MAN2B2: variants seen among roughly 807,000 people sequenced by gnomAD.
The protein encoded by MAN2B2 is epididymis-specific alpha-mannosidase.
In MAN2B2, 106 loss-of-function variants were observed where a neutral mutation model predicts 117.1. The ratio of observed to expected loss-of-function variants is 0.90; its 90% CI spans 0.77 to 1.06. The LOEUF (loss-of-function observed/expected upper bound fraction) is 1.06. Among genes scored for constraint, MAN2B2 ranks in the 50% least tolerant of loss-of-function variants. The probability of loss-of-function intolerance (pLI) is 0.00; values close to 1 mark genes in which losing one functional copy is unlikely to be tolerated. For synonymous variants in MAN2B2, 544 were observed against 595.1 expected (o/e 0.91, Z 1.25); for missense variants, 1,326 against 1,381.4 (o/e 0.96, Z 0.64).
chr4:6,614,611 G>A (rs1033411500), intron 16 of MAN2B2, among the ~76,000 whole-genome samples: 4 of 152,132 alleles, frequency 2.6e-5, no homozygotes, highest in South Asian at 4.1e-4. Context: ...CTCTCAGCCT[G>A]CCACCCCCAG....
chr4:6,578,311 G>A, intron 2 of MAN2B2, 82 bp from the exon 3 acceptor site: 1 of 997,422 alleles, frequency 1.0e-6, no homozygotes, highest in Non-Finnish European at 1.5e-6. Context: ...GGCGTGTGTG[G>A]CGCTGTAGGT....
Position 6,587,264 on chromosome 4 carries a change from G to A in MAN2B2, c.564+96G>A, listed in dbSNP as rs1032126783. On this transcript the variant is annotated intron_variant, in intron 4 of 18. Coordinates refer to ENST00000285599, the MANE Select transcript of MAN2B2 (RefSeq NM_015274.3). ...TAGAAAGCTGCTGCTCTATGCCGAA[G>A]TGTTCGGAAATTCTTGGCAGCTGCA... 2.8e-6 allele frequency: 4 copies of A among 1,450,402 alleles called. No homozygotes were observed. The African/African-American group carries it at 5.7e-5, about 21-fold the overall frequency. The allele number at this position is 1,450,402 out of a possible 1,614,324, so 89.8% of individuals were successfully genotyped here. A position where few individuals can be genotyped will look rare whatever the true frequency, so the allele number is the denominator to read the frequency against.
At position 6,605,307 on chromosome 4, in the gene MAN2B2, C is replaced by G; in HGVS notation, c.1792C>G (p.Leu598Val). ...YIVLLDQDTN[L>V]MHSIWERQSN... ...TGTGCTGCTCGACCAGGATACCAAC[C>G]TGATGCACAGCATCTGGGAGAGGTA... is the stretch of plus-strand genomic sequence containing the variant. Residue 598 changes from leucine (L) to valine (V), a missense_variant, in exon 11 of 19, where the codon CTG (leucine) becomes GTG (valine). Coordinates refer to ENST00000285599, the MANE Select transcript of MAN2B2 (RefSeq NM_015274.3). The G allele has an allele frequency of 6.2e-7, 1 of 1,611,814 alleles. No homozygotes were observed. Among genetic ancestry groups the G allele is most frequent in the Non-Finnish European group, 8.5e-7 (1 of 1,178,154 alleles).
At chr4:6,579,189 CCAG>C (rs1393548150) in intron 3 of MAN2B2, among the ~76,000 whole-genome samples, 6 of 74,016 alleles carry the variant, frequency 8.1e-5, no homozygotes, top group South Asian at 6.2e-4. Flanking sequence ...ATCACCATCA[CCAG>C]CACCACCACC....
rs1477723793 is a variant in MAN2B2, at chr4:6,586,890, C to G, written c.392-106C>G. On this transcript the variant is annotated intron_variant, in intron 3 of 18. Coordinates refer to ENST00000285599, the MANE Select transcript of MAN2B2 (RefSeq NM_015274.3). The stretch of plus-strand genomic sequence containing the variant: ...TGCATGACCCTGCCTGGCCCAGTAG[C>G]TGGCACTGCAACCCACTGGATAGGC... 5 of 992,872 alleles carry G rather than the reference C, an allele frequency of 5.0e-6. No homozygotes were observed. In the Admixed American group the frequency reaches 8.9e-5, roughly 18 times the overall value. 61.5% of individuals were successfully genotyped at this position (992,872 alleles called of 1,614,324 possible).
intron 4 of MAN2B2, among the ~76,000 whole-genome samples, chr4:6,588,770 TG>T (rs1202220915): frequency 1.3e-5 from 2 of 152,218 alleles, no homozygotes; most frequent in East Asian, 3.9e-4. Context: ...TTCCTGCACC[TG>T]GGGGCATTCA....
Position 6,575,267 on chromosome 4 carries a change from AG to A in MAN2B2, c.61del (p.Val21SerfsTer99). 6.4e-7 allele frequency: 1 copy of A among 1,553,732 alleles called. No individual in the cohort carries two copies. The highest frequency in any genetic ancestry group is 8.7e-7 in the Non-Finnish European group (1 of 1,155,262). ...CACCGCTCCTGTTGCTGCGACCGCC[AG>A]GGGTCCAGTCCGCCGGCCCCATCCG... Reference protein sequence around the residue: ...LAPLLLLRPPGVQSAGPIRAF... With the variant: ...LAPLLLLRPPXVQSAGPIRAF... On this transcript the variant is annotated frameshift_variant, in exon 1 of 19. Coordinates refer to ENST00000285599, the MANE Select transcript of MAN2B2 (RefSeq NM_015274.3). LOFTEE classifies it high-confidence loss of function.
intron 2 of MAN2B2, 123 bp from the exon 3 acceptor site, chr4:6,578,264 TTTTATA>T: frequency 1.5e-6 from 1 of 676,128 alleles, no homozygotes; most frequent in East Asian, 2.7e-5. Context: ...AGTGCCCTGC[TTTTATA>T]GAGTAAGCAA....
chr4:6,592,111 C>T lies in MAN2B2; in HGVS notation c.681-1062C>T, dbSNP rs1393781971. On this transcript the variant is annotated intron_variant, in intron 5 of 18. Transcript: ENST00000285599. ...AGTCAGACGGCCCTGGGTTCAAATC[C>T]GCACTCTGCCCTGGCCAGGTGCTTA... 5.3e-5 allele frequency among the ~76,000 whole-genome samples: 8 copies of T among 152,330 alleles called. No individual in the cohort carries two copies. The South Asian group carries it at 1.4e-3, about 28-fold the overall frequency.
rs1328612241 is a variant in MAN2B2 at position 6,622,977 on chromosome 4, G to A, written c.*1692G>A. 1 of 152,138 alleles carries A rather than the reference G, an allele frequency of 6.6e-6. No homozygotes were observed. Among genetic ancestry groups the A allele is most frequent in the African/African-American group, 2.4e-5 (1 of 40,968 alleles). 9.4% of individuals were successfully genotyped at this position (152,138 alleles called of 1,614,324 possible). A position where few individuals can be genotyped will look rare whatever the true frequency, so the allele number is the denominator to read the frequency against. ...CAGGTGAGCAGCCACCAGAGGCATGGATGTGCAGTGGGAGGTTGAGGCACA... is the reference window on the plus strand; with the variant it reads ...CAGGTGAGCAGCCACCAGAGGCATGAATGTGCAGTGGGAGGTTGAGGCACA... On this transcript the variant is annotated 3_prime_UTR_variant, in exon 19 of 19. Transcript: ENST00000285599.
intron 11 of MAN2B2, 87 bp downstream of exon 11, chr4:6,605,416 C>T (rs909534225): frequency 2.0e-6 from 3 of 1,464,746 alleles, no homozygotes; most frequent in Admixed American, 2.2e-5. Flanking sequence ...TCCATTTGCT[C>T]ACTTGCCTGG....
chr4:6,604,436 G>A (rs1727452368), intron 10 of MAN2B2, among the ~76,000 whole-genome samples: 1 of 150,412 alleles, frequency 6.6e-6, no homozygotes, highest in Non-Finnish European at 1.5e-5. Flanking sequence ...GGGGGCCTTG[G>A]TGGTGGGTGG....
At chr4:6,581,473 G>C (rs1377060575) in intron 3 of MAN2B2, among the ~76,000 whole-genome samples, 1 of 152,124 alleles carries the variant, frequency 6.6e-6, no homozygotes, top group African/African-American at 2.4e-5. Flanking sequence ...GTAGTCCCTA[G>C]GGCGGGGGCA....
At chr4:6,579,127 C>T (rs1577269554) in intron 3 of MAN2B2, among the ~76,000 whole-genome samples, 1 of 90,436 alleles carries the variant, frequency 1.1e-5, no homozygotes, top group Admixed American at 1.1e-4. Flanking sequence ...TCACCACTAC[C>T]ACCACCACCA....
chr4:6,614,069 C>T (rs1711730236), intron 15 of MAN2B2, 149 bp from the exon 16 acceptor site: 2 of 936,752 alleles, frequency 2.1e-6, no homozygotes, highest in Non-Finnish European at 3.2e-6. Context: ...GGAGCACAAA[C>T]ACTTTGGGCT....
chr4:6,604,999 A>G (rs1727478913), intron 10 of MAN2B2, 56 bp from the exon 11 acceptor site: 21 of 1,571,742 alleles, frequency 1.3e-5, no homozygotes, highest in Non-Finnish European at 1.7e-5. Flanking sequence ...TGAGCACCCC[A>G]TTCCAGAAAG....
At chr4:6,609,660 C>A in intron 12 of MAN2B2, 138 bp from the exon 13 acceptor site, 1 of 1,105,902 alleles carries the variant, frequency 9.0e-7, no homozygotes, top group Non-Finnish European at 1.3e-6. Context: ...GTGCTATTGT[C>A]CACATGGCCC....
At chr4:6,575,532 G>T (rs1440276356) in intron 1 of MAN2B2, among the ~76,000 whole-genome samples, 184 bp downstream of exon 1, 1 of 152,252 alleles carries the variant, frequency 6.6e-6, no homozygotes, top group African/African-American at 2.4e-5. Flanking sequence ...TCCTGCCTCT[G>T]AACCCCCATT....
intron 3 of MAN2B2, among the ~76,000 whole-genome samples, chr4:6,585,581 A>G (rs1467255852): frequency 3.3e-5 from 5 of 152,204 alleles, no homozygotes; most frequent in African/African-American, 9.6e-5. Context: ...CTTTGTATTC[A>G]TGATCTATTT....
Sources: allele counts gnomAD v4.1 joint callset (sites outside exome capture counted in the v4.1 genomes callset), GRCh38; gene constraint gnomAD v4.1.1; transcripts MANE v1.5; gene names NCBI Gene and HGNC (gene_info 2026-07-23, HGNC 2026-07-21).